AGPAT5: variants seen among roughly 807,000 people sequenced by gnomAD.
AGPAT5 encodes the protein 1-acylglycerol-3-phosphate O-acyltransferase 5, also known as 1-acyl-sn-glycerol-3-phosphate acyltransferase epsilon.
AGPAT5 carries 46 observed loss-of-function variants against 45.6 expected under a neutral mutation model. The observed-to-expected ratio is 1.01, with a 90% CI of 0.80 to 1.29. AGPAT5 has a LOEUF of 1.29. Among genes scored for constraint, AGPAT5 ranks in the 50% most tolerant of loss-of-function variants. AGPAT5 has a pLI of 0.00. For missense variants in AGPAT5, 673 were observed against 450.7 expected (o/e 1.49, Z -4.47); for synonymous variants, 272 against 167.0 (o/e 1.63, Z -4.85).
intron 1 of AGPAT5, among the ~76,000 whole-genome samples, chr8:6,712,539 T>TAA (rs1248926808): frequency 6.6e-6 from 1 of 152,160 alleles, no homozygotes; most frequent in Non-Finnish European, 1.5e-5. Context: ...GTGGAATGCT[T>TAA]AGAGACTCAG....
rs1202455169 is a variant in AGPAT5, at chr8:6,708,862, T to A, written c.194T>A (p.Phe65Tyr). 1.9e-6 allele frequency: 3 copies of A among 1,608,398 alleles called. No homozygotes were observed. The highest frequency in any genetic ancestry group is 1.7e-5 in the Admixed American group (1 of 59,862). ...YCVYQSMVLF[F>Y]FENYTGVQIL... ...GTCTACCAGAGCATGGTGCTCTTCTTCTTCGAGAATTACACCGGGGTCCAG... is the reference window on the plus strand; with the variant it reads ...GTCTACCAGAGCATGGTGCTCTTCTACTTCGAGAATTACACCGGGGTCCAG... The change falls in exon 1 of 8, where the codon TTC becomes TAC. Residue 65 changes from phenylalanine to tyrosine, a missense_variant. By Grantham distance (22) the Phe-to-Tyr change is conservative (BLOSUM62 3). Coordinates refer to ENST00000285518, the MANE Select transcript of AGPAT5 (RefSeq NM_018361.5).
chr8:6,743,938 C>T (rs1357472754), intron 5 of AGPAT5, among the ~76,000 whole-genome samples: 2 of 151,852 alleles, frequency 1.3e-5, no homozygotes, highest in Non-Finnish European at 2.9e-5. Flanking sequence ...ATAACACTGG[C>T]GATTGTAGAG....
chr8:6,726,380 T>C (rs1800686462), intron 2 of AGPAT5, among the ~76,000 whole-genome samples: 3 of 152,230 alleles, frequency 2.0e-5, no homozygotes, highest in Non-Finnish European at 4.4e-5. Flanking sequence ...AGTTGTCTGT[T>C]TAACAGGATT....
intron 1 of AGPAT5, among the ~76,000 whole-genome samples, chr8:6,713,245 C>T (rs949498181): frequency 6.6e-6 from 1 of 152,216 alleles, no homozygotes. Flanking sequence ...GCTGGGATTA[C>T]AGGTGTGAGC....
intron 6 of AGPAT5, among the ~76,000 whole-genome samples, chr8:6,753,929 A>T (rs1009312302): frequency 6.6e-6 from 1 of 152,208 alleles, no homozygotes; most frequent in Non-Finnish European, 1.5e-5. Context: ...GAGAGTACTT[A>T]GCAAAAACGG....
At chr8:6,734,171 C>T (rs911823472) in intron 4 of AGPAT5, among the ~76,000 whole-genome samples, 6 of 152,068 alleles carry the variant, frequency 3.9e-5, no homozygotes, top group South Asian at 2.1e-4. Context: ...ATTATTCCTA[C>T]CCCAGTCTTT....
chr8:6,755,114 T>A lies in AGPAT5; in HGVS notation c.809T>A (p.Val270Asp). 3 of 1,608,594 alleles carry A rather than the reference T, an allele frequency of 1.9e-6. No homozygotes were observed. Among genetic ancestry groups the A allele is most frequent in the Non-Finnish European group, 2.5e-6 (3 of 1,178,914 alleles). Residue 270 changes from valine (V) to aspartate (D), a missense_variant, in exon 7 of 8, where the codon GTC becomes GAC. Transcript: ENST00000285518. ...IHIDRIDKKD[V>D]PEEQEHMRRW... ...ATTGATCGTATCGACAAAAAAGATGTCCCAGAAGAACAAGAACATATGAGA... is the reference window on the plus strand; with the variant it reads ...ATTGATCGTATCGACAAAAAAGATGACCCAGAAGAACAAGAACATATGAGA...
intron 1 of AGPAT5, among the ~76,000 whole-genome samples, chr8:6,724,087 G>A (rs1478470746): frequency 6.6e-6 from 1 of 152,160 alleles, no homozygotes; most frequent in African/African-American, 2.4e-5. Context: ...ACACAAAACA[G>A]CAGAAGGACT....
At position 6,708,668 on chromosome 8, in the gene AGPAT5, G is replaced by A; in HGVS notation, c.-1G>A. 1 of 1,571,960 alleles carries A rather than the reference G, an allele frequency of 6.4e-7. No individual in the cohort carries two copies. The highest frequency in any genetic ancestry group is 1.8e-5 in the Admixed American group (1 of 56,898). On this transcript the variant is annotated 5_prime_UTR_variant, in exon 1 of 8. Coordinates refer to ENST00000285518, the MANE Select transcript of AGPAT5 (RefSeq NM_018361.5). ...GAGCTCGCTGCCGCCGAGCTGAGAAGATGCTGCTGTCCCTGGTGCTCCACA... is the reference window on the plus strand; with the variant it reads ...GAGCTCGCTGCCGCCGAGCTGAGAAAATGCTGCTGTCCCTGGTGCTCCACA...
At position 6,760,012 on chromosome 8, in the gene AGPAT5, T is replaced by C. The variant is rs1040014174; in HGVS notation, c.*2624T>C. Among the ~76,000 whole-genome samples, 4 of 152,258 alleles carry C rather than the reference T, an allele frequency of 2.6e-5. No homozygotes were observed. The highest frequency in any genetic ancestry group is 9.6e-5 in the African/African-American group (4 of 41,478). ...CTTACACCATACATACTGATAGTTTTTCATATGTTTCATTTCCATGTGATT... is the reference window on the plus strand; with the variant it reads ...CTTACACCATACATACTGATAGTTTCTCATATGTTTCATTTCCATGTGATT... On this transcript the variant is annotated 3_prime_UTR_variant, in exon 8 of 8. Transcript: ENST00000285518.
intron 1 of AGPAT5, 59 bp downstream of exon 1, chr8:6,708,946 C>G (rs1451250221): frequency 1.3e-6 from 2 of 1,494,318 alleles, no homozygotes; most frequent in Middle Eastern, 3.4e-4. Context: ...GGGCGCGGAC[C>G]TCTCCGCTCC....
At chr8:6,739,910 C>A (rs1025520132) in intron 4 of AGPAT5, among the ~76,000 whole-genome samples, 3 of 152,024 alleles carry the variant, frequency 2.0e-5, no homozygotes, top group Non-Finnish European at 4.4e-5. Flanking sequence ...TTTTTCTCAT[C>A]ATTTTCCTTC....
chr8:6,748,492 G>C (rs374636469), intron 6 of AGPAT5, among the ~76,000 whole-genome samples: 14 of 152,072 alleles, frequency 9.2e-5, no homozygotes, highest in South Asian at 2.1e-4. Flanking sequence ...TAGGCTTCAT[G>C]GGGTTTTTTT....
intron 2 of AGPAT5, among the ~76,000 whole-genome samples, chr8:6,729,470 C>T (rs921664175): frequency 6.6e-6 from 1 of 151,230 alleles, no homozygotes; most frequent in East Asian, 1.9e-4. Flanking sequence ...TTTCGAGTAT[C>T]GTTGAGCTCA....
At chr8:6,710,250 G>A (rs1190641012) in intron 1 of AGPAT5, among the ~76,000 whole-genome samples, 3 of 152,174 alleles carry the variant, frequency 2.0e-5, no homozygotes, top group African/African-American at 7.2e-5. Flanking sequence ...TTAAATGGCT[G>A]TAAAACCTAG....
At chr8:6,712,195 C>G (rs756646354) in intron 1 of AGPAT5, among the ~76,000 whole-genome samples, 1 of 152,176 alleles carries the variant, frequency 6.6e-6, no homozygotes, top group Non-Finnish European at 1.5e-5. Context: ...AGTTTACTTA[C>G]TTTCCCATAA....
chr8:6,757,729 G>A lies in AGPAT5; in HGVS notation c.*341G>A, dbSNP rs73509806. On this transcript the variant is annotated 3_prime_UTR_variant, in exon 8 of 8. Coordinates refer to ENST00000285518, the MANE Select transcript of AGPAT5 (RefSeq NM_018361.5). ...GCATTTTTGAGCATTAATTTGCAGC[G>A]TATTTCACTTTTTCTGTTATTTTCA... 5,465 of 184,314 alleles carry A rather than the reference G, an allele frequency of 0.03. 304 individuals carry two copies. Among genetic ancestry groups the A allele is most frequent in the African/African-American group, 0.12 (5,160 of 42,614 alleles). The allele number at this position is 184,314 out of a possible 1,614,324, so 11.4% of individuals were successfully genotyped here.
intron 1 of AGPAT5, among the ~76,000 whole-genome samples, chr8:6,715,692 A>G (rs535376079): frequency 7.2e-5 from 11 of 152,316 alleles, no homozygotes; most frequent in African/African-American, 2.4e-4. Flanking sequence ...CTTTCAAGGT[A>G]TTCATCTAGG....
At chr8:6,713,181 G>T (rs1159434746) in intron 1 of AGPAT5, among the ~76,000 whole-genome samples, 4 of 152,150 alleles carry the variant, frequency 2.6e-5, no homozygotes, top group African/African-American at 9.7e-5. Flanking sequence ...TGTTGCCCAG[G>T]CTGGTCTTGA....
Sources: gnomAD v4.1 joint callset for allele counts (sites outside exome capture counted in the v4.1 genomes callset) on GRCh38, gnomAD v4.1.1 for gene constraint, MANE v1.5 for transcripts, NCBI Gene and HGNC (gene_info 2026-07-23, HGNC 2026-07-21) for gene names.